Variants in BPHL observed in about 807,000 individuals in gnomAD.
BPHL encodes the protein serine hydrolase BPHL.
In BPHL, 27 loss-of-function variants were observed where a neutral mutation model predicts 31.2. That is an observed-to-expected ratio of 0.87 (90% CI 0.64 to 1.19). The LOEUF is 1.19. Among genes scored for constraint, BPHL ranks in the 50% most tolerant of loss-of-function variants. The pLI is 0.00. For synonymous variants in BPHL, 150 were observed against 146.8 expected (o/e 1.02, Z -0.16); for missense variants, 356 against 375.7 (o/e 0.95, Z 0.43).
intron 6 of BPHL, among the ~76,000 whole-genome samples, chr6:3,144,614 A>G (rs1317566170): frequency 2.7e-5 from 4 of 150,644 alleles, no homozygotes. Context: ...CTGGTCTTGA[A>G]CTCCTGGGCT....
At chr6:3,128,302 C>T (rs2113752239) in intron 3 of BPHL, among the ~76,000 whole-genome samples, 1 of 152,278 alleles carries the variant, frequency 6.6e-6, no homozygotes, top group South Asian at 2.1e-4. Flanking sequence ...GAATTTCATA[C>T]ACATTTAGGA....
In BPHL at chr6:3,152,534, G is replaced by A; in HGVS notation, c.835G>A (p.Ala279Thr). 6.2e-7 allele frequency: 1 copy of A among 1,613,252 alleles called. No individual in the cohort carries two copies. The highest frequency in any genetic ancestry group is 8.5e-7 in the Non-Finnish European group (1 of 1,179,684). ...CAAACACAACCTGCATTTGCGTTTTGCAGATGAATTCAACAAGTTAGCAGA... is the reference window on the plus strand; with the variant it reads ...CAAACACAACCTGCATTTGCGTTTTACAGATGAATTCAACAAGTTAGCAGA... ...EGKHNLHLRF[A>T]DEFNKLAEDF... is the part of the protein sequence containing the mutation. The change falls in exon 7 of 7, where the codon GCA (alanine) becomes ACA (threonine). Residue 279 changes from alanine (A) to threonine (T), a missense_variant. Transcript: ENST00000380379.
At chr6:3,137,786 T>C (rs932813843) in intron 5 of BPHL, among the ~76,000 whole-genome samples, 4 of 152,190 alleles carry the variant, frequency 2.6e-5, no homozygotes, top group Non-Finnish European at 4.4e-5. Flanking sequence ...ACAAAATAAT[T>C]ATCCAGAAGC....
intron 3 of BPHL, among the ~76,000 whole-genome samples, chr6:3,127,863 C>T (rs889276696): frequency 2.6e-5 from 4 of 151,918 alleles, no homozygotes; most frequent in African/African-American, 9.7e-5. Context: ...CTCTGTCACC[C>T]AGGCTGGAGT....
intron 4 of BPHL, among the ~76,000 whole-genome samples, chr6:3,133,141 C>T (rs1397142951): frequency 2.0e-5 from 3 of 152,204 alleles, no homozygotes; most frequent in African/African-American, 7.2e-5. Flanking sequence ...CTCTGATTCT[C>T]AGCCTGCTTG....
chr6:3,143,425 A>G (rs992360098), intron 6 of BPHL, among the ~76,000 whole-genome samples: 1 of 152,222 alleles, frequency 6.6e-6, no homozygotes, highest in African/African-American at 2.4e-5. Context: ...TCTTTGTGGT[A>G]GAAGAAAAAT....
chr6:3,124,452 C>T (rs1448476671), intron 2 of BPHL, among the ~76,000 whole-genome samples: 1 of 152,088 alleles, frequency 6.6e-6, no homozygotes, highest in South Asian at 2.1e-4. Context: ...AATATTTAAT[C>T]TCAGTATTCC....
rs541887418 is a variant in BPHL, at chr6:3,135,685, CGTG to C, written c.533-1673_533-1671del. Among the ~76,000 whole-genome samples, 449 of 152,172 alleles carry C rather than the reference CGTG, an allele frequency of 3.0e-3. 1 individual carries two copies. The highest frequency in any genetic ancestry group is 0.01 in the African/African-American group (418 of 41,498). On this transcript the variant is annotated intron_variant, in intron 4 of 6. Coordinates refer to ENST00000380379, the MANE Select transcript of BPHL (RefSeq NM_004332.4). Reference sequence around the variant, plus strand: ...TCTTCTGCATCGTCGTGTCTCTCTGCGTGGTGTTCTGCATAATTTCTTAAGATT... The same window carrying C: ...TCTTCTGCATCGTCGTGTCTCTCTGCGTGTTCTGCATAATTTCTTAAGATT...
At chr6:3,132,065 C>T (rs1414217143) in intron 4 of BPHL, among the ~76,000 whole-genome samples, 2 of 152,148 alleles carry the variant, frequency 1.3e-5, no homozygotes, top group Non-Finnish European at 2.9e-5. Context: ...GCAAGAGTCT[C>T]TCAGTAGCGC....
chr6:3,122,740 GAC>G lies in BPHL; in HGVS notation c.108-913_108-912del, dbSNP rs552629508. Among the ~76,000 whole-genome samples, 413 of 152,294 alleles carry G rather than the reference GAC, an allele frequency of 2.7e-3. 4 individuals carry two copies. Among genetic ancestry groups the G allele is most frequent in the African/African-American group, 9.8e-3 (407 of 41,564 alleles). On this transcript the variant is annotated intron_variant, in intron 1 of 6. Coordinates refer to ENST00000380379, the MANE Select transcript of BPHL (RefSeq NM_004332.4). ...TTATGGACAGGGCTACTTAGCAGTTGACACAGACATATTTTAACATCTTAAAA... is the reference window on the plus strand; with the variant it reads ...TTATGGACAGGGCTACTTAGCAGTTGACAGACATATTTTAACATCTTAAAA...
intron 6 of BPHL, among the ~76,000 whole-genome samples, chr6:3,145,185 G>T (rs1226142943): frequency 2.3e-4 from 17 of 75,432 alleles, no homozygotes; most frequent in South Asian, 7.3e-4. Flanking sequence ...CTGGTTCGGG[G>T]TGGAGTGCTG....
intron 2 of BPHL, chr6:3,126,755 C>CT (rs574990872): frequency 3.5e-3 from 445 of 128,148 alleles, no homozygotes; most frequent in Admixed American, 5.8e-3. Context: ...CGCCCGGCCC[C>CT]TTTTTTTTTT....
chr6:3,132,045 C>T (rs1761884736), intron 4 of BPHL, among the ~76,000 whole-genome samples: 1 of 152,218 alleles, frequency 6.6e-6, no homozygotes, highest in Non-Finnish European at 1.5e-5. Flanking sequence ...ACTTTCCTTT[C>T]TTGATGAAAG....
chr6:3,140,218 A>C lies in BPHL; in HGVS notation c.665-168A>C. 1 of 790,520 alleles carries C rather than the reference A, an allele frequency of 1.3e-6. No individual in the cohort carries two copies. The highest frequency in any genetic ancestry group is 1.9e-6 in the Non-Finnish European group (1 of 520,978). 49.0% of individuals were successfully genotyped at this position (790,520 alleles called of 1,614,324 possible). ...GAGAGAAACAGAAAAGGGAACCCAA[A>C]GAATGTTAGAGCTGGAAGGAATCCC... On this transcript the variant is annotated intron_variant, in intron 5 of 6. Coordinates refer to ENST00000380379, the MANE Select transcript of BPHL (RefSeq NM_004332.4). This position sits in a 1 kb window ranked among gnomAD's most constrained non-coding sequence, Gnocchi z 5.2.
At chr6:3,125,043 A>G (rs1450045055) in intron 2 of BPHL, among the ~76,000 whole-genome samples, 1 of 150,784 alleles carries the variant, frequency 6.6e-6, no homozygotes, top group Non-Finnish European at 1.5e-5. Flanking sequence ...AAAACTTACC[A>G]ATTTAATTTT....
rs547963480 is a variant in BPHL, at chr6:3,151,871, C to T, written c.789-617C>T. Among the ~76,000 whole-genome samples the T allele has an allele frequency of 5.4e-4, 82 of 152,346 alleles. 1 individual carries two copies. The highest frequency in any genetic ancestry group is 1.4e-3 in the African/African-American group (58 of 41,584). Reference sequence around the variant, plus strand: ...TGCTGAGCCGTGACAGCTGCAGCAGCGGCTCCTGGAGCACAGGGCTGCTGG... The same window carrying T: ...TGCTGAGCCGTGACAGCTGCAGCAGTGGCTCCTGGAGCACAGGGCTGCTGG... On this transcript the variant is annotated intron_variant, in intron 6 of 6. Transcript: ENST00000380379.
chr6:3,134,926 G>A (rs1295229049), intron 4 of BPHL, among the ~76,000 whole-genome samples: 3 of 151,732 alleles, frequency 2.0e-5, no homozygotes, highest in South Asian at 2.1e-4. Flanking sequence ...TTGTAGAGAC[G>A]GGGTTCCGCC....
At chr6:3,146,353 G>A (rs1762360704) in intron 6 of BPHL, among the ~76,000 whole-genome samples, 1 of 137,730 alleles carries the variant, frequency 7.3e-6, no homozygotes. Context: ...GTGGAGTGCT[G>A]GTGTGGGTTG....
Position 3,127,411 on chromosome 6 carries a change from AG to A in BPHL, c.378+5del, listed in dbSNP as rs1761748661. The stretch of plus-strand genomic sequence containing the variant: ...AAGATGCTGTTGATTTGATGAAGGT[AG>A]GTCTCTGAGGGAAGGGCCAGGGGAG... On this transcript the variant is annotated splice_donor_region_variant and intron_variant, in intron 3 of 6. Transcript: ENST00000380379. The A allele has an allele frequency of 1.3e-6, 2 of 1,588,392 alleles. No individual in the cohort carries two copies. Among genetic ancestry groups the A allele is most frequent in the African/African-American group, 1.4e-5 (1 of 73,928 alleles).
Sources: allele counts gnomAD v4.1 joint callset (sites outside exome capture counted in the v4.1 genomes callset), GRCh38; gene constraint gnomAD v4.1.1; non-coding constraint Gnocchi (gnomAD v3.1); transcripts MANE v1.5; gene names NCBI Gene and HGNC (gene_info 2026-07-23, HGNC 2026-07-21).